The following BCL7B variants were observed in gnomAD, a reference collection of about 807,000 sequenced individuals.
BCL7B encodes B-cell CLL/lymphoma 7 protein family member B.
BCL7B carries 11 observed loss-of-function variants against 26.5 expected under a neutral mutation model. That is an observed-to-expected ratio of 0.42 (90% confidence interval 0.26 to 0.69). The LOEUF is 0.69. BCL7B is among the 30% of genes least tolerant of loss of function. The pLI is 0.28. For synonymous variants in BCL7B, 111 were observed against 107.9 expected (o/e 1.03, Z -0.18); for missense variants, 215 against 264.4 (o/e 0.81, Z 1.30).
In BCL7B at chr7:73,538,075, C is replaced by T. The variant is rs1791611002; in HGVS notation, c.437-62G>A. 2.6e-6 allele frequency: 3 copies of T among 1,149,214 alleles called. No homozygotes were observed. In the East Asian group the frequency reaches 7.6e-5, roughly 29 times the overall value. The allele number at this position is 1,149,214 out of a possible 1,614,324, so 71.2% of individuals were successfully genotyped here. A position where few individuals can be genotyped will look rare whatever the true frequency, so the allele number is the denominator to read the frequency against. ...CCCCTGAGGCCTGGACCTGGGGGAG[C>T]TTCCTTAGAGCTGTGTGGAGGTGGC... On this transcript the variant is annotated intron_variant, in intron 4 of 5. Coordinates refer to ENST00000223368, the MANE Select transcript of BCL7B (RefSeq NM_001707.4).
chr7:73,538,958 A>C (rs1452476055), intron 4 of BCL7B, among the ~76,000 whole-genome samples: 1 of 152,014 alleles, frequency 6.6e-6, no homozygotes, highest in Non-Finnish European at 1.5e-5. Flanking sequence ...CAAGCGATTT[A>C]ACCTTTCTCT....
At chr7:73,543,692 C>T (rs915663589) in intron 2 of BCL7B, 48 bp from the exon 3 acceptor site, 2 of 1,482,400 alleles carry the variant, frequency 1.3e-6, no homozygotes, top group Non-Finnish European at 1.9e-6. Context: ...GCAGGAGACT[C>T]ACAGAGAGGG....
At chr7:73,552,366 G>A in intron 1 of BCL7B, 124 bp from the exon 2 acceptor site, 1 of 769,316 alleles carries the variant, frequency 1.3e-6, no homozygotes, top group East Asian at 2.7e-5. Flanking sequence ...ACTTCCTCTT[G>A]GTGGGGTATG....
At chr7:73,548,382 C>T (rs181277147) in intron 2 of BCL7B, among the ~76,000 whole-genome samples, 7 of 151,448 alleles carry the variant, frequency 4.6e-5, no homozygotes, top group East Asian at 2.0e-4. Context: ...GAGCTTAGAT[C>T]GCACCACTGT....
intron 2 of BCL7B, among the ~76,000 whole-genome samples, chr7:73,549,672 GA>G (rs1353094909): frequency 3.3e-5 from 5 of 151,976 alleles, no homozygotes; most frequent in Admixed American, 6.6e-5. Flanking sequence ...AAAAAAGAAA[GA>G]AAAAAAATTA....
chr7:73,556,564 T>C (rs1013746352), intron 1 of BCL7B, among the ~76,000 whole-genome samples: 25 of 152,220 alleles, frequency 1.6e-4, no homozygotes, highest in Non-Finnish European at 2.9e-4. Flanking sequence ...ATGACTCCGA[T>C]ACACACCGAT....
intron 5 of BCL7B, 66 bp from the exon 6 acceptor site, chr7:73,537,456 G>A (rs1257053555): frequency 2.5e-5 from 30 of 1,181,862 alleles, no homozygotes; most frequent in African/African-American, 1.1e-4. Flanking sequence ...CCACCCACCC[G>A]AATTATAATG....
At chr7:73,544,739 G>T (rs1554583313) in intron 2 of BCL7B, among the ~76,000 whole-genome samples, 1 of 152,046 alleles carries the variant, frequency 6.6e-6, no homozygotes, top group African/African-American at 2.4e-5. Flanking sequence ...CAACCACAGT[G>T]GGCAGGTAAG....
At chr7:73,555,779 C>G (rs1734493753) in intron 1 of BCL7B, among the ~76,000 whole-genome samples, 1 of 152,190 alleles carries the variant, frequency 6.6e-6, no homozygotes, top group Non-Finnish European at 1.5e-5. Flanking sequence ...TGGGGTCTCA[C>G]TGTGTTGCCC....
At chr7:73,548,823 G>A (rs1792053286) in intron 2 of BCL7B, among the ~76,000 whole-genome samples, 1 of 151,468 alleles carries the variant, frequency 6.6e-6, no homozygotes, top group Admixed American at 6.6e-5. Context: ...CCAGCTACTT[G>A]GGAGGCTGAG....
chr7:73,542,161 TGACTCCCCA>T (rs1196549265), intron 3 of BCL7B, among the ~76,000 whole-genome samples: 1 of 152,254 alleles, frequency 6.6e-6, no homozygotes, highest in African/African-American at 2.4e-5. Flanking sequence ...CACTTGTCCT[TGACTCCCCA>T]GTGCAACGCA....
chr7:73,557,220 G>C (rs1792396586), intron 1 of BCL7B: 3 of 1,063,480 alleles, frequency 2.8e-6, no homozygotes, highest in Non-Finnish European at 2.3e-6. Context: ...GCTCCAGTCC[G>C]GGCCGGAAGC....
intron 2 of BCL7B, among the ~76,000 whole-genome samples, chr7:73,549,171 C>T (rs1432027109): frequency 6.6e-6 from 1 of 152,062 alleles, no homozygotes; most frequent in African/African-American, 2.4e-5. Context: ...TCCTATTGGC[C>T]CTAACTGTGG....
chr7:73,545,683 G>C (rs1791926739), intron 2 of BCL7B, among the ~76,000 whole-genome samples: 1 of 152,144 alleles, frequency 6.6e-6, no homozygotes, highest in African/African-American at 2.4e-5. Flanking sequence ...CCATGAGTTT[G>C]GCATCCTAGA....
chr7:73,541,753 C>T (rs1791779481), intron 3 of BCL7B, among the ~76,000 whole-genome samples: 2 of 152,178 alleles, frequency 1.3e-5, no homozygotes, highest in South Asian at 2.1e-4. Context: ...AGGCATGAGC[C>T]ACCACGCCCA....
chr7:73,556,676 C>T (rs782415417), intron 1 of BCL7B, among the ~76,000 whole-genome samples: 3 of 152,146 alleles, frequency 2.0e-5, no homozygotes, highest in Non-Finnish European at 4.4e-5. Context: ...GGCTGGAGTG[C>T]CGTGGCACGA....
intron 1 of BCL7B, among the ~76,000 whole-genome samples, chr7:73,556,550 T>C (rs527418299): frequency 7.2e-5 from 11 of 152,332 alleles, no homozygotes; most frequent in African/African-American, 2.6e-4. Context: ...GAAAGTTTAA[T>C]GTGATGACTC....
chr7:73,545,236 A>G (rs1791909655), intron 2 of BCL7B, among the ~76,000 whole-genome samples: 1 of 152,146 alleles, frequency 6.6e-6, no homozygotes, highest in African/African-American at 2.4e-5. Flanking sequence ...TTTTTGAGAC[A>G]GAGTCTTGCT....
chr7:73,538,835 AAAAG>A (rs1380254430), intron 4 of BCL7B, among the ~76,000 whole-genome samples: 4 of 151,174 alleles, frequency 2.6e-5, no homozygotes, highest in Admixed American at 6.6e-5. Flanking sequence ...AAAAAAAAAA[AAAAG>A]AAAAGAAAAA....
Sources: gnomAD v4.1 joint callset for allele counts (sites outside exome capture counted in the v4.1 genomes callset) on GRCh38, gnomAD v4.1.1 for gene constraint, MANE v1.5 for transcripts, NCBI Gene and HGNC (gene_info 2026-07-23, HGNC 2026-07-21) for gene names.